AHNAK: variants seen among roughly 807,000 people sequenced by gnomAD.
The protein encoded by AHNAK is AHNAK nucleoprotein.
AHNAK carries 23 observed loss-of-function variants against 37.8 expected under a neutral mutation model. The observed-to-expected ratio is 0.61, with a 90% confidence interval of 0.44 to 0.86. The LOEUF is 0.86. AHNAK is among the 40% of genes least tolerant of loss of function. The pLI is 0.00. For missense variants in AHNAK, 7,411 were observed against 7,319.4 expected, an observed-to-expected ratio of 1.01 and a Z score of -0.46; for synonymous variants, 2,481 against 2,636.3, an observed-to-expected ratio of 0.94 and a Z score of 1.80.
rs1940141741 is a variant in AHNAK, at chr11:62,519,260, C to T, written c.15157G>A (p.Ala5053Thr). ...DLNVPGGEIDASLKAPDVDVN... is the reference protein window; with the variant it reads ...DLNVPGGEIDTSLKAPDVDVN... ...TCTACATCCGGAGCCTTGAGGCTGG[C>T]ATCAATTTCACCCCCAGGAACATTC... Residue 5053 changes from alanine to threonine, a missense_variant, in exon 5 of 5, where the codon GCC (alanine) becomes ACC (threonine). Transcript: ENST00000378024. 4 of 1,614,022 alleles carry T rather than the reference C, an allele frequency of 2.5e-6. No individual in the cohort carries two copies. In the South Asian group the frequency reaches 3.3e-5, roughly 13 times the overall value.
At chr11:62,486,037 A>G (rs1390597164) in intron 5 of AHNAK, among the ~76,000 whole-genome samples, 5 of 151,540 alleles carry the variant, frequency 3.3e-5, no homozygotes. Context: ...AAAAAAAAAA[A>G]AAGAGAGAGA....
rs535185230 is a variant in AHNAK, at chr11:62,493,017, T to TC, written c.343-1187_343-1186insG. On this transcript the variant is annotated intron_variant, in intron 4 of 5. Coordinates refer to the AHNAK transcript ENST00000257247. ...TACTGTTTTCTTTTCTTTTCTTTTT[T>TC]TTTTTTTTTTTTGAGACAGAGTCTC... 3.4e-3 allele frequency among the ~76,000 whole-genome samples: 499 copies of TC among 147,646 alleles called. 7 individuals are homozygous for TC. Among genetic ancestry groups the TC allele is most frequent in the Non-Finnish European group, 4.2e-3 (282 of 66,886 alleles).
intron 5 of AHNAK, among the ~76,000 whole-genome samples, chr11:62,471,785 C>T (rs1321200206): frequency 2.0e-5 from 3 of 152,120 alleles, no homozygotes; most frequent in Admixed American, 6.6e-5. Flanking sequence ...GGCCGGGATG[C>T]GGGTACCCAC....
chr11:62,513,545 A>T (rs1590641678), downstream of AHNAK, among the ~76,000 whole-genome samples: 2 of 152,168 alleles, frequency 1.3e-5, no homozygotes, highest in South Asian at 2.1e-4. Flanking sequence ...CAAAAATAAA[A>T]AAAAAAAAAG....
rs758964413 is a variant in AHNAK at position 62,528,270 on chromosome 11, G to A, written c.6147C>T (p.Pro2049=). The A allele has an allele frequency of 5.6e-6, 9 of 1,613,098 alleles. No homozygotes were observed. Among genetic ancestry groups the A allele is most frequent in the East Asian group, 4.5e-5 (2 of 44,772 alleles). The change falls in exon 5 of 5, where the codon CCC becomes CCT. Residue 2049 remains proline, a synonymous_variant. Coordinates refer to ENST00000378024, the MANE Select transcript of AHNAK (RefSeq NM_001620.3). The part of the protein sequence containing the change: ...VHGPDWHLKM[P]KMKMPKFSMP... ...TGCTGAACTTGGGCATTTTCATCTTGGGCATCTTCAGGTGCCAGTCTGGGC... is the reference window on the plus strand; with the variant it reads ...TGCTGAACTTGGGCATTTTCATCTTAGGCATCTTCAGGTGCCAGTCTGGGC...
rs1249151881 is a variant in AHNAK, at chr11:62,519,118, G to A, written c.15299C>T (p.Pro5100Leu). Residue 5100 changes from proline to leucine, a missense_variant, in exon 5 of 5, where the codon CCT becomes CTT. By Grantham distance (98) the Pro-to-Leu change is moderately conservative. Coordinates refer to ENST00000378024, the MANE Select transcript of AHNAK (RefSeq NM_001620.3). Reference sequence around the variant, plus strand: ...GAGAGGGGCCTCAGCTTTAAATTTAGGTGATTTAATGTCAAACTCTACATC... The same window carrying A: ...GAGAGGGGCCTCAGCTTTAAATTTAAGTGATTTAATGTCAAACTCTACATC... ...FPDVEFDIKS[P>L]KFKAEAPLPS... 1.9e-6 allele frequency: 3 copies of A among 1,613,682 alleles called. No individual in the cohort carries two copies. The highest frequency in any genetic ancestry group is 2.5e-6 in the Non-Finnish European group (3 of 1,179,924).
intron 5 of AHNAK, among the ~76,000 whole-genome samples, chr11:62,481,089 GTTTTTTTTTTTTT>G (rs1565208802): frequency 2.5e-5 from 1 of 40,314 alleles, no homozygotes; most frequent in East Asian, 2.0e-3. Context: ...TCTTTTTTTG[GTTTTTTTTTTTTT>G]GGTTTTTTTT....
At chr11:62,513,873 G>T (rs1054041734), downstream of AHNAK, among the ~76,000 whole-genome samples, 1 of 152,080 alleles carries the variant, frequency 6.6e-6, no homozygotes, top group African/African-American at 2.4e-5. Context: ...CACTGGCCTC[G>T]CCATCCCTGG....
chr11:62,522,739 A>G lies in AHNAK; in HGVS notation c.11678T>C (p.Val3893Ala), dbSNP rs1940309824. The change falls in exon 5 of 5, where the codon GTG becomes GCG. Residue 3893 changes from valine (V) to alanine (A), a missense_variant. Coordinates refer to ENST00000378024, the MANE Select transcript of AHNAK (RefSeq NM_001620.3). ...KGPKVKGDMD[V>A]SLPKVEGDMQ... is the part of the protein sequence containing the mutation. ...GTCACCTTCCACTTTTGGCAGAGAC[A>G]CATCCATATCACCCTTCACTTTGGG... 1.2e-6 allele frequency: 2 copies of G among 1,613,458 alleles called. No individual in the cohort carries two copies. The highest frequency in any genetic ancestry group is 1.1e-5 in the South Asian group (1 of 91,056).
chr11:62,463,457 T>TCCAG (rs1938834790), intron 5 of AHNAK, among the ~76,000 whole-genome samples: 5 of 150,554 alleles, frequency 3.3e-5, no homozygotes, highest in Non-Finnish European at 5.9e-5. Flanking sequence ...CTCTCCTCCA[T>TCCAG]CCTCCAGCCT....
intron 4 of AHNAK, among the ~76,000 whole-genome samples, chr11:62,492,695 C>A (rs925778038): frequency 1.3e-5 from 2 of 151,742 alleles, no homozygotes; most frequent in Non-Finnish European, 2.9e-5. Context: ...ATAGTGAGAC[C>A]CCCACCTCTA....
Position 62,479,470 on chromosome 11 carries a change from T to C in AHNAK, c.442+12262A>G, listed in dbSNP as rs199668609. On this transcript the variant is annotated intron_variant, in intron 5 of 5. Coordinates refer to the AHNAK transcript ENST00000257247. ...GCGTGAGCTACCCTGCCCAGCCCCT[T>C]TTTTTTTTTTAAGAGAGCCATTACT... Among the ~76,000 whole-genome samples the C allele has an allele frequency of 1.5e-4, 3 of 20,168 alleles. No homozygotes were observed. In the Non-Finnish European group the frequency reaches 0.019, roughly 126 times the overall value. 13.2% of individuals were successfully genotyped at this position (20,168 alleles called of 152,430 possible). A position where few individuals can be genotyped will look rare whatever the true frequency, so the allele number is the denominator to read the frequency against.
Position 62,525,970 on chromosome 11 carries a change from C to T in AHNAK, c.8447G>A (p.Gly2816Glu), listed in dbSNP as rs1940467207. Residue 2816 changes from glycine (G) to glutamate (E), a missense_variant, in exon 5 of 5, where the codon GGA becomes GAA. Gly to Glu is a moderately conservative substitution (Grantham distance 98). Coordinates refer to ENST00000378024, the MANE Select transcript of AHNAK (RefSeq NM_001620.3). ...CTTAAACTTTGGACTTTTCCACTTT[C>T]CTTCAGGTCCTTCGATATTCACATC... ...CPDVNIEGPE[G>E]KWKSPKFKMP... The T allele has an allele frequency of 3.1e-6, 5 of 1,614,066 alleles. No individual in the cohort carries two copies. Among genetic ancestry groups the T allele is most frequent in the Non-Finnish European group, 4.2e-6 (5 of 1,180,018 alleles).
chr11:62,489,141 T>C (rs963103367), intron 5 of AHNAK, among the ~76,000 whole-genome samples: 11 of 151,418 alleles, frequency 7.3e-5, no homozygotes, highest in African/African-American at 2.7e-4. Flanking sequence ...CTCAGGAGGC[T>C]GAGGCAGGAG....
At position 62,534,091 on chromosome 11, in the gene AHNAK, CG is replaced by C. The variant is rs1268842047; in HGVS notation, c.343-18del. On this transcript the variant is annotated intron_variant, in intron 4 of 4. Transcript: ENST00000378024. Reference sequence around the variant, plus strand: ...ATCCCCGCTCTGCAGAAAGACACGCCGGGCAGAGGTTGCAGCAGAGTCTGCC... The same window carrying C: ...ATCCCCGCTCTGCAGAAAGACACGCCGGCAGAGGTTGCAGCAGAGTCTGCC... The C allele has an allele frequency of 2.0e-6, 3 of 1,522,424 alleles. No homozygotes were observed. In the African/African-American group the frequency reaches 4.2e-5, roughly 21 times the overall value. The allele number at this position is 1,522,424 out of a possible 1,614,324, so 94.3% of individuals were successfully genotyped here. A position where few individuals can be genotyped will look rare whatever the true frequency, so the allele number is the denominator to read the frequency against.
At chr11:62,493,535 T>C (rs1170454770) in intron 4 of AHNAK, among the ~76,000 whole-genome samples, 2 of 152,106 alleles carry the variant, frequency 1.3e-5, no homozygotes, top group African/African-American at 4.8e-5. Context: ...GGTTTCACTA[T>C]CTTGGCCAAG....
chr11:62,437,854 A>T (rs1401250162), intron 5 of AHNAK, among the ~76,000 whole-genome samples: 2 of 152,122 alleles, frequency 1.3e-5, no homozygotes, highest in African/African-American at 4.8e-5. Flanking sequence ...CATTTTAGCT[A>T]TTATGGTGGG....
Position 62,535,020 on chromosome 11 carries a change from T to G in AHNAK, c.325A>C (p.Ser109Arg). Residue 109 changes from serine to arginine, a missense_variant, in exon 4 of 5, where the codon AGC (serine) becomes CGC (arginine). Physicochemically the swap from Ser to Arg is moderately radical, Grantham distance 110. Transcript: ENST00000378024. ...TWTREVFSSC[S>R]SEVVLSGDDE... ...GTACTCACCAGAACCACTTCAGAGC[T>G]GCAGGAGCTGAAGACTTCACGGGTC... 1 of 1,611,362 alleles carries G rather than the reference T, an allele frequency of 6.2e-7. No homozygotes were observed. Among genetic ancestry groups the G allele is most frequent in the Non-Finnish European group, 8.5e-7 (1 of 1,178,078 alleles).
Position 62,516,742 on chromosome 11 carries a change from T to C in AHNAK, c.*2A>G, listed in dbSNP as rs1469500395. ...ATATATGTACACACATACAAAGGCCTGCTACTCTTTCTTTGTGGAAACTGA... is the reference window on the plus strand; with the variant it reads ...ATATATGTACACACATACAAAGGCCCGCTACTCTTTCTTTGTGGAAACTGA... On this transcript the variant is annotated 3_prime_UTR_variant, in exon 5 of 5. Transcript: ENST00000378024. 9 of 1,606,720 alleles carry C rather than the reference T, an allele frequency of 5.6e-6. No homozygotes were observed. The highest frequency in any genetic ancestry group is 1.7e-5 in the Admixed American group (1 of 58,950).
Sources: gnomAD v4.1 joint callset for allele counts (sites outside exome capture counted in the v4.1 genomes callset) on GRCh38, gnomAD v4.1.1 for gene constraint, MANE v1.5 for transcripts, NCBI Gene and HGNC (gene_info 2026-07-23, HGNC 2026-07-21) for gene names.